The following SNTN variants were observed in gnomAD, a reference collection of about 807,000 sequenced individuals.
The protein encoded by SNTN is sentan, cilia apical structure protein.
SNTN carries 13 observed loss-of-function variants against 12.3 expected under a neutral mutation model. That is an observed-to-expected ratio of 1.05 (90% CI 0.69 to 1.67). SNTN has a LOEUF of 1.67. SNTN is among the 40% of genes most tolerant of loss of function. SNTN has a pLI of 0.00. For synonymous variants in SNTN, 69 were observed against 58.5 expected (o/e 1.18, Z -0.82); for missense variants, 189 against 169.8 (o/e 1.11, Z -0.63).
intron 3 of SNTN, among the ~76,000 whole-genome samples, chr3:63,662,351 C>T (rs1312266860): frequency 2.0e-5 from 3 of 152,170 alleles, no homozygotes; most frequent in Admixed American, 1.3e-4. Flanking sequence ...GGGAACATTG[C>T]CTTTCCCATA....
At chr3:63,655,844 AACCC>A (rs1192416518) in intron 2 of SNTN, among the ~76,000 whole-genome samples, 3 of 152,224 alleles carry the variant, frequency 2.0e-5, no homozygotes, top group Non-Finnish European at 4.4e-5. Flanking sequence ...AGTCAATACA[AACCC>A]ACATTTTCTC....
intron 2 of SNTN, among the ~76,000 whole-genome samples, chr3:63,659,418 T>C (rs982725271): frequency 1.3e-5 from 2 of 152,230 alleles, no homozygotes; most frequent in African/African-American, 4.8e-5. Flanking sequence ...ATTTGTTGAA[T>C]AACTGAATGA....
At chr3:63,658,401 A>AATAT (rs58847521) in intron 2 of SNTN, among the ~76,000 whole-genome samples, 2,563 of 123,072 alleles carry the variant, frequency 0.021, 53 homozygotes, top group African/African-American at 0.048. Flanking sequence ...ACAAGTTGTA[A>AATAT]ATATATATAT....
intron 2 of SNTN, among the ~76,000 whole-genome samples, chr3:63,658,034 T>A (rs996339065): frequency 5.6e-4 from 85 of 152,192 alleles, no homozygotes; most frequent in African/African-American, 2.0e-3. Flanking sequence ...AAGAAAATCC[T>A]GATTCCTTTA....
intron 1 of SNTN, among the ~76,000 whole-genome samples, chr3:63,653,179 T>C (rs1001733545): frequency 8.5e-5 from 13 of 152,222 alleles, no homozygotes; most frequent in Admixed American, 1.3e-4. Context: ...TAATTTCATT[T>C]AGGAGACTGG....
In SNTN at chr3:63,652,712, C is replaced by T. The variant is rs1700632580; in HGVS notation, c.25C>T (p.Gln9Ter). The change falls in exon 1 of 4, where the codon CAG (glutamine) becomes TAG (stop). Residue 9 changes from glutamine to a stop codon, truncating the protein, a stop_gained. Coordinates refer to ENST00000343837, the MANE Select transcript of SNTN (RefSeq NM_001080537.2). LOFTEE classifies it high-confidence loss of function. MGGCMHST[Q>*]DKSLHLEGDP... is the part of the protein sequence containing the mutation. ...AATGGGTGGCTGTATGCACAGTACC[C>T]AGGACAAATCTCTCCACTTGGAAGG... 1 of 1,613,842 alleles carries T rather than the reference C, an allele frequency of 6.2e-7. No homozygotes were observed. The highest frequency in any genetic ancestry group is 8.5e-7 in the Non-Finnish European group (1 of 1,179,936).
chr3:63,661,803 C>A (rs183405277), intron 3 of SNTN, among the ~76,000 whole-genome samples: 7 of 152,048 alleles, frequency 4.6e-5, no homozygotes, highest in Non-Finnish European at 1.0e-4. Context: ...AGAAATGGGG[C>A]CCATATGCCA....
At chr3:63,663,033 C>G (rs1433914801) in intron 3 of SNTN, among the ~76,000 whole-genome samples, 3 of 152,134 alleles carry the variant, frequency 2.0e-5, no homozygotes, top group African/African-American at 7.2e-5. Flanking sequence ...CATGTATTTT[C>G]TTTTAGCATA....
intron 1 of SNTN, 103 bp from the exon 2 acceptor site, chr3:63,654,659 A>T: frequency 9.7e-7 from 1 of 1,034,366 alleles, no homozygotes; most frequent in Non-Finnish European, 1.4e-6. Flanking sequence ...GAGAATGTTT[A>T]CCAAAATAAA....
intron 1 of SNTN, among the ~76,000 whole-genome samples, chr3:63,653,521 C>A (rs554195576): frequency 3.4e-4 from 52 of 152,126 alleles, no homozygotes; most frequent in African/African-American, 1.2e-3. Context: ...AAATGAGGAA[C>A]CCCTAAAGAC....
At chr3:63,659,946 C>T (rs1260143673) in intron 3 of SNTN, 82 bp downstream of exon 3, 1 of 1,524,788 alleles carries the variant, frequency 6.6e-7, no homozygotes, top group African/African-American at 1.4e-5. Context: ...AGCTCCAGGT[C>T]CCTGTCATGT....
At chr3:63,652,879 A>C (rs1046409707) in intron 1 of SNTN, 82 bp downstream of exon 1, 31 of 1,342,306 alleles carry the variant, frequency 2.3e-5, no homozygotes, top group Non-Finnish European at 2.9e-5. Context: ...CAACAGCTTT[A>C]TAAGCCAAGT....
chr3:63,653,867 G>A (rs1700647341), intron 1 of SNTN, among the ~76,000 whole-genome samples: 1 of 152,104 alleles, frequency 6.6e-6, no homozygotes, highest in Non-Finnish European at 1.5e-5. Flanking sequence ...ATATGCCCTG[G>A]CCCTGCCTGG....
At chr3:63,663,713 A>T in intron 3 of SNTN, 1 of 660,882 alleles carries the variant, frequency 1.5e-6, no homozygotes, top group Non-Finnish European at 2.8e-6. Flanking sequence ...TTCACCTTCT[A>T]CCATGAGTGG....
At chr3:63,653,024 C>G (rs1236271595) in intron 1 of SNTN, among the ~76,000 whole-genome samples, 1 of 152,144 alleles carries the variant, frequency 6.6e-6, no homozygotes, top group African/African-American at 2.4e-5. Context: ...TTGATTGCCT[C>G]TTGAGAAACA....
At chr3:63,661,605 T>A (rs974273114) in intron 3 of SNTN, among the ~76,000 whole-genome samples, 1 of 152,168 alleles carries the variant, frequency 6.6e-6, no homozygotes, top group South Asian at 2.1e-4. Flanking sequence ...TCACAGTCCT[T>A]TTTTTAAATT....
intron 3 of SNTN, among the ~76,000 whole-genome samples, chr3:63,662,181 C>A (rs148601132): frequency 6.6e-6 from 1 of 152,152 alleles, no homozygotes. Flanking sequence ...TTGGCCCAAC[C>A]GCCCTGCCCC....
At chr3:63,661,025 T>C (rs1193114303) in intron 3 of SNTN, among the ~76,000 whole-genome samples, 3 of 152,228 alleles carry the variant, frequency 2.0e-5, no homozygotes. Context: ...TTATGTTTTC[T>C]CTCTACTTAA....
In SNTN at chr3:63,664,152, T is replaced by G. The variant is rs1380914247; in HGVS notation, c.*57T>G. 5 of 1,458,284 alleles carry G rather than the reference T, an allele frequency of 3.4e-6. No homozygotes were observed. The allele number at this position is 1,458,284 out of a possible 1,614,324, so 90.3% of individuals were successfully genotyped here. On this transcript the variant is annotated 3_prime_UTR_variant, in exon 4 of 4. Coordinates refer to ENST00000343837, the MANE Select transcript of SNTN (RefSeq NM_001080537.2). ...CAAAAGACAGTGTTATTAAAATGTTTCCATCTTATTTTTGATTAATTGAAT... is the reference window on the plus strand; with the variant it reads ...CAAAAGACAGTGTTATTAAAATGTTGCCATCTTATTTTTGATTAATTGAAT...
Sources: gnomAD v4.1 joint callset for allele counts (sites outside exome capture counted in the v4.1 genomes callset) on GRCh38, gnomAD v4.1.1 for gene constraint, MANE v1.5 for transcripts, NCBI Gene and HGNC (gene_info 2026-07-23, HGNC 2026-07-21) for gene names.